Variants in BRIP1 observed in about 807,000 individuals in gnomAD.
BRIP1 encodes the protein Fanconi anemia group J protein.
A neutral mutation model predicts 119.7 loss-of-function variants in BRIP1; 88 were observed. The ratio of observed to expected loss-of-function variants is 0.74; its 90% CI spans 0.62 to 0.88. The LOEUF is 0.88. Ranked by LOEUF, BRIP1 falls within the 40% of genes least tolerant of loss-of-function variation. The probability of loss-of-function intolerance (pLI) is 0.00; values close to 1 mark genes in which losing one functional copy is unlikely to be tolerated. For synonymous variants in BRIP1, 443 were observed against 496.5 expected, an observed-to-expected ratio of 0.89 and a Z score of 1.43; for missense variants, 1,259 against 1,455.4, an observed-to-expected ratio of 0.87 and a Z score of 2.20.
rs1406416825 is a variant in BRIP1 at position 61,851,163 on chromosome 17, G to A, written c.380-1907C>T. 1.3e-5 allele frequency among the ~76,000 whole-genome samples: 2 copies of A among 152,060 alleles called. No individual in the cohort carries two copies. Among genetic ancestry groups the A allele is most frequent in the Non-Finnish European group, 2.9e-5 (2 of 68,010 alleles). On this transcript the variant is annotated intron_variant, in intron 4 of 19. Transcript: ENST00000259008. This position sits in a 1 kb window ranked among gnomAD's most constrained non-coding sequence, Gnocchi z 4.6. ...GAATCACTTGAACCCGGGAGGCAGA[G>A]GTTGCAGTGAGCCAAGATCGCACCA...
rs1310543383 is a variant in BRIP1, at chr17:61,815,378, G to A, written c.628-6621C>T. On this transcript the variant is annotated intron_variant, in intron 6 of 19. Coordinates refer to ENST00000259008, the MANE Select transcript of BRIP1 (RefSeq NM_032043.3). This position sits in a 1 kb window ranked among gnomAD's most constrained non-coding sequence, Gnocchi z 4.1. ...AGCAGATTGTGACTGATTTGGGTTA[G>A]GGCTTTATTCCAGAATTTATATCTG... Among the ~76,000 whole-genome samples the A allele has an allele frequency of 6.6e-6, 1 of 152,066 alleles. No homozygotes were observed. Among genetic ancestry groups the A allele is most frequent in the African/African-American group, 2.4e-5 (1 of 41,410 alleles).
intron 7 of BRIP1, among the ~76,000 whole-genome samples, chr17:61,801,964 G>C (rs1603343696): frequency 6.6e-6 from 1 of 152,048 alleles, no homozygotes; most frequent in East Asian, 1.9e-4. Context: ...AAGAAGGAAG[G>C]AAGGTAAGTA....
At chr17:61,855,110 G>A (rs1175032652) in intron 4 of BRIP1, among the ~76,000 whole-genome samples, 2 of 151,024 alleles carry the variant, frequency 1.3e-5, no homozygotes, top group East Asian at 3.8e-4. Context: ...GGTTGGGGAG[G>A]TGAGTCATGT....
In BRIP1 at chr17:61,810,282, G is replaced by A. The variant is rs1374495831; in HGVS notation, c.628-1525C>T. Among the ~76,000 whole-genome samples, 1 of 152,148 alleles carries A rather than the reference G, an allele frequency of 6.6e-6. No homozygotes were observed. The highest frequency in any genetic ancestry group is 6.5e-5 in the Admixed American group (1 of 15,274). ...TGGGGCTCTTGTCAACAGTGAGGCA[G>A]GAAACAGCTGACATGTGGTTTATGT... On this transcript the variant is annotated intron_variant, in intron 6 of 19. Transcript: ENST00000259008. This position sits in a 1 kb window ranked among gnomAD's most constrained non-coding sequence, Gnocchi z 4.7.
rs755440956 is a variant in BRIP1 at position 61,683,500 on chromosome 17, G to A, written c.3546C>T (p.Ala1182=). The A allele has an allele frequency of 1.3e-5, 21 of 1,613,324 alleles. No homozygotes were observed. Among genetic ancestry groups the A allele is most frequent in the Non-Finnish European group, 1.8e-5 (21 of 1,179,778 alleles). Residue 1182 remains alanine, a synonymous_variant, in exon 20 of 20, where the codon GCC becomes GCT. Coordinates refer to ENST00000259008, the MANE Select transcript of BRIP1 (RefSeq NM_032043.3). The surrounding 1 kb of genome is among the most constrained non-coding windows in gnomAD (Gnocchi z 4.7). ...TGCAATCCTCAGCTTTCACTTCTCT[G>A]GCTGAATCTACTTCTTTTATAGTTC... The part of the protein sequence containing the change: ...EIRTIKEVDS[A]REVKAEDCID...
chr17:61,728,133 AG>A (rs1314192454), intron 16 of BRIP1, among the ~76,000 whole-genome samples: 1 of 152,052 alleles, frequency 6.6e-6, no homozygotes, highest in African/African-American at 2.4e-5. Flanking sequence ...CTGGCCACAA[AG>A]GTTTGATTTT....
In BRIP1 at chr17:61,817,015, A is replaced by G. The variant is rs970330183; in HGVS notation, c.628-8258T>C. On this transcript the variant is annotated intron_variant, in intron 6 of 19. Coordinates refer to ENST00000259008, the MANE Select transcript of BRIP1 (RefSeq NM_032043.3). ...TCACCCCACAGATTATTCATTAATT[A>G]CAAAAGGAAAATGTACCTTTACAAT... Among the ~76,000 whole-genome samples, 13 of 152,226 alleles carry G rather than the reference A, an allele frequency of 8.5e-5. 1 individual carries two copies. Among genetic ancestry groups the G allele is most frequent in the Non-Finnish European group, 1.8e-4 (12 of 68,026 alleles).
rs1227767313 is a variant in BRIP1 at position 61,776,041 on chromosome 17, A to G, written c.2097+360T>C. ...TGGGACTATAGGTGTGTGCCACCACACCCAGCTAATTTTTGTATTTTGTAG... is the reference window on the plus strand; with the variant it reads ...TGGGACTATAGGTGTGTGCCACCACGCCCAGCTAATTTTTGTATTTTGTAG... On this transcript the variant is annotated intron_variant, in intron 14 of 19. Coordinates refer to ENST00000259008, the MANE Select transcript of BRIP1 (RefSeq NM_032043.3). This position sits in a 1 kb window ranked among gnomAD's most constrained non-coding sequence, Gnocchi z 5.0. 5 of 302,766 alleles carry G rather than the reference A, an allele frequency of 1.7e-5. No individual in the cohort carries two copies. The East Asian group carries it at 4.3e-4, about 26-fold the overall frequency. 18.8% of individuals were successfully genotyped at this position (302,766 alleles called of 1,614,324 possible).
At chr17:61,800,716 G>A (rs2077977045) in intron 8 of BRIP1, among the ~76,000 whole-genome samples, 1 of 151,942 alleles carries the variant, frequency 6.6e-6, no homozygotes, top group Admixed American at 6.5e-5. Flanking sequence ...TAAACATAAT[G>A]CCTATTAATT....
At position 61,744,318 on chromosome 17, in the gene BRIP1, A is replaced by C. The variant is rs1219440442; in HGVS notation, c.2257+114T>G. ...CCAATTTATTTTCTTTTCACTCAGG[A>C]TTATAATTTTTCTCTTAAGTGTAAT... On this transcript the variant is annotated intron_variant, in intron 15 of 19. Coordinates refer to ENST00000259008, the MANE Select transcript of BRIP1 (RefSeq NM_032043.3). The surrounding 1 kb of genome is among the most constrained non-coding windows in gnomAD (Gnocchi z 5.0). The C allele has an allele frequency of 8.6e-7, 1 of 1,167,602 alleles. No individual in the cohort carries two copies. The highest frequency in any genetic ancestry group is 2.6e-5 in the East Asian group (1 of 38,658). 72.3% of individuals were successfully genotyped at this position (1,167,602 alleles called of 1,614,324 possible). A position where few individuals can be genotyped will look rare whatever the true frequency, so the allele number is the denominator to read the frequency against.
chr17:61,683,949 G>GACTAGAGGC lies in BRIP1; in HGVS notation c.3088_3096dup (p.Ala1030_Ser1032dup), dbSNP rs1187782159. On this transcript the variant is annotated inframe_insertion, in exon 20 of 20. Transcript: ENST00000259008. The surrounding 1 kb of genome is among the most constrained non-coding windows in gnomAD (Gnocchi z 4.7). ...ATCTTCTCTGTTTTGAAACGGGGAG[G>GACTAGAGGC]ACTAGAGGCACTATTCTCTGATGAC... The GACTAGAGGC allele has an allele frequency of 1.2e-6, 2 of 1,614,150 alleles. No individual in the cohort carries two copies. The highest frequency in any genetic ancestry group is 3.3e-5 in the Admixed American group (2 of 60,024).
rs1172200979 is a variant in BRIP1, at chr17:61,751,803, C to T, written c.2098-7212G>A. Among the ~76,000 whole-genome samples the T allele has an allele frequency of 6.6e-6, 1 of 151,882 alleles. No individual in the cohort carries two copies. Among genetic ancestry groups the T allele is most frequent in the Non-Finnish European group, 1.5e-5 (1 of 67,964 alleles). On this transcript the variant is annotated intron_variant, in intron 14 of 19. Coordinates refer to ENST00000259008, the MANE Select transcript of BRIP1 (RefSeq NM_032043.3). This position sits in a 1 kb window ranked among gnomAD's most constrained non-coding sequence, Gnocchi z 6.7. ...TTTTTTTTTGAGACAGAGTCTCGCT[C>T]TGTCACCCAGGCTGGAGTACAGTGG...
chr17:61,821,970 A>AT (rs1284564990), intron 6 of BRIP1, among the ~76,000 whole-genome samples: 1 of 152,220 alleles, frequency 6.6e-6, no homozygotes, highest in Non-Finnish European at 1.5e-5. Context: ...TAAATCTCAC[A>AT]TTAACTAAAA....
rs2078833366 is a variant in BRIP1 at position 61,852,319 on chromosome 17, A to C, written c.380-3063T>G. Among the ~76,000 whole-genome samples the C allele has an allele frequency of 6.6e-6, 1 of 152,200 alleles. No homozygotes were observed. Among genetic ancestry groups the C allele is most frequent in the African/African-American group, 2.4e-5 (1 of 41,446 alleles). On this transcript the variant is annotated intron_variant, in intron 4 of 19. Transcript: ENST00000259008. This position sits in a 1 kb window ranked among gnomAD's most constrained non-coding sequence, Gnocchi z 4.9. ...TAAGATACAAAGTTAAAAAGAAAGA[A>C]GATATCTCCCGATTATGTTTTTTTA... is the stretch of plus-strand genomic sequence containing the variant.
At position 61,807,667 on chromosome 17, in the gene BRIP1, C is replaced by A. The variant is rs1050634097; in HGVS notation, c.918+800G>T. 6.6e-6 allele frequency among the ~76,000 whole-genome samples: 1 copy of A among 151,702 alleles called. No individual in the cohort carries two copies. The highest frequency in any genetic ancestry group is 2.4e-5 in the African/African-American group (1 of 41,326). ...ACTCTAATAAGATACTAGTGAAAAACAAAACAACTCTAAAAATATATTAAA... is the reference window on the plus strand; with the variant it reads ...ACTCTAATAAGATACTAGTGAAAAAAAAAACAACTCTAAAAATATATTAAA... On this transcript the variant is annotated intron_variant, in intron 7 of 19. Coordinates refer to ENST00000259008, the MANE Select transcript of BRIP1 (RefSeq NM_032043.3). The surrounding 1 kb of genome is among the most constrained non-coding windows in gnomAD (Gnocchi z 4.5).
At chr17:61,721,267 CTTTTTTTTTT>C (rs11326516) in intron 16 of BRIP1, among the ~76,000 whole-genome samples, 1 of 114,186 alleles carries the variant, frequency 8.8e-6, no homozygotes. Flanking sequence ...AAAATCTAAG[CTTTTTTTTTT>C]TTTTTTTTTT....
At chr17:61,727,407 T>A (rs982433241) in intron 16 of BRIP1, among the ~76,000 whole-genome samples, 2 of 152,184 alleles carry the variant, frequency 1.3e-5, no homozygotes, top group African/African-American at 4.8e-5. Context: ...AAAACTTTAT[T>A]ACCACCACAG....
At position 61,689,428 on chromosome 17, in the gene BRIP1, T is replaced by C. The variant is rs2061414785; in HGVS notation, c.2576-3263A>G. On this transcript the variant is annotated intron_variant, in intron 18 of 19. Transcript: ENST00000259008. The surrounding 1 kb of genome is among the most constrained non-coding windows in gnomAD (Gnocchi z 4.5). ...CTTATGGCTTCATTTATGACTTGAC[T>C]TATGGGGCACCGTCAAGCTGACCAA... Among the ~76,000 whole-genome samples the C allele has an allele frequency of 6.6e-6, 1 of 152,072 alleles. No individual in the cohort carries two copies. Among genetic ancestry groups the C allele is most frequent in the Admixed American group, 6.5e-5 (1 of 15,276 alleles).
At chr17:61,685,674 G>T in intron 19 of BRIP1, 162 bp downstream of exon 19, 1 of 679,622 alleles carries the variant, frequency 1.5e-6, no homozygotes, top group South Asian at 2.1e-5. Context: ...ACAAAAGTTT[G>T]TTCCCATTAC....
Sources: gnomAD v4.1 joint callset for allele counts (sites outside exome capture counted in the v4.1 genomes callset) on GRCh38, gnomAD v4.1.1 for gene constraint, Gnocchi (gnomAD v3.1) non-coding constraint, MANE v1.5 for transcripts, NCBI Gene and HGNC (gene_info 2026-07-23, HGNC 2026-07-21) for gene names.